The following NMT1 variants were observed in gnomAD, a reference collection of about 807,000 sequenced individuals.
NMT1 encodes glycylpeptide N-tetradecanoyltransferase 1.
Under a neutral mutation model 63.4 loss-of-function variants are expected in NMT1, and 12 were observed. That is an observed-to-expected ratio of 0.19 (90% CI 0.12 to 0.31). NMT1 has a LOEUF of 0.31. Ranked by LOEUF, NMT1 falls within the 10% of genes least tolerant of loss-of-function variation. NMT1 has a pLI of 1.00. For synonymous variants in NMT1, 228 were observed against 234.3 expected (o/e 0.97, Z 0.25); for missense variants, 432 against 634.6 (o/e 0.68, Z 3.43).
intron 3 of NMT1, among the ~76,000 whole-genome samples, chr17:45,087,468 GC>G (rs2054062385): frequency 6.6e-6 from 1 of 152,152 alleles, no homozygotes; most frequent in African/African-American, 2.4e-5. Context: ...ATAATGAATT[GC>G]TAAAGGGGTG....
chr17:45,102,872 A>C (rs2054176752), intron 8 of NMT1, 79 bp from the exon 9 acceptor site: 2 of 1,363,102 alleles, frequency 1.5e-6, no homozygotes, highest in Admixed American at 4.4e-5. Flanking sequence ...TTCTCTCTTG[A>C]GGGCCTGATC....
chr17:45,083,104 C>T (rs1310228534), intron 2 of NMT1, among the ~76,000 whole-genome samples: 1 of 151,864 alleles, frequency 6.6e-6, no homozygotes, highest in African/African-American at 2.4e-5. Flanking sequence ...ATCACGAGGT[C>T]AGGAATTTGA....
chr17:45,099,256 G>A, intron 7 of NMT1, 149 bp from the exon 8 acceptor site: 1 of 630,580 alleles, frequency 1.6e-6, no homozygotes, highest in Non-Finnish European at 3.0e-6. Flanking sequence ...TGGGGAGGGG[G>A]AGGCTGGAGA....
intron 1 of NMT1, among the ~76,000 whole-genome samples, chr17:45,080,349 A>C: frequency 6.7e-6 from 1 of 148,742 alleles, no homozygotes; most frequent in Non-Finnish European, 1.5e-5. Context: ...TAGTAGAGAC[A>C]GGCTTTCTCC....
In NMT1 at chr17:45,105,038, G is replaced by T; in HGVS notation, c.1470+42G>T. On this transcript the variant is annotated intron_variant, in intron 11 of 11. Transcript: ENST00000258960. The surrounding 1 kb of genome is among the most constrained non-coding windows in gnomAD (Gnocchi z 4.2). ...CAGAGTCCAGGCTGCCCGGCCCAGGGTGTCCATGTCTCCAGCAGAAACCGG... is the reference window on the plus strand; with the variant it reads ...CAGAGTCCAGGCTGCCCGGCCCAGGTTGTCCATGTCTCCAGCAGAAACCGG... The T allele has an allele frequency of 6.2e-7, 1 of 1,612,168 alleles. No homozygotes were observed. The highest frequency in any genetic ancestry group is 8.5e-7 in the Non-Finnish European group (1 of 1,179,012).
intron 8 of NMT1, among the ~76,000 whole-genome samples, chr17:45,101,189 AAAC>A (rs542279291): frequency 1.7e-4 from 26 of 151,766 alleles, no homozygotes; most frequent in South Asian, 8.3e-4. Context: ...ATCTCAAAAA[AAAC>A]AACAACAACA....
At position 45,071,656 on chromosome 17, in the gene NMT1, C is replaced by T. The variant is rs1240138520; in HGVS notation, c.132-9988C>T. 6 of 152,156 alleles carry T rather than the reference C, an allele frequency of 3.9e-5. No homozygotes were observed. The East Asian group carries it at 1.2e-3, about 29-fold the overall frequency. 9.4% of individuals were successfully genotyped at this position (152,156 alleles called of 1,614,324 possible). ...AAACTTTTTTTTCTTATGTTGTAAA[C>T]CTGTGGTCTGTGTTTAAGACATTGA... On this transcript the variant is annotated intron_variant, in intron 1 of 11. Transcript: ENST00000258960.
rs1191819839 is a variant in NMT1 at position 45,103,653 on chromosome 17, G to A, written c.1165-56G>A. On this transcript the variant is annotated intron_variant, in intron 9 of 11. Coordinates refer to ENST00000258960, the MANE Select transcript of NMT1 (RefSeq NM_021079.5). This position sits in a 1 kb window ranked among gnomAD's most constrained non-coding sequence, Gnocchi z 4.8. ...GGAGTGAGAGAAACATTTTGTTCCC[G>A]GGCCGCAGTGCCACTGTGCATGCTT... 5.9e-6 allele frequency: 9 copies of A among 1,532,874 alleles called. No individual in the cohort carries two copies. Among genetic ancestry groups the A allele is most frequent in the Non-Finnish European group, 7.1e-6 (8 of 1,131,784 alleles). 95.0% of individuals were successfully genotyped at this position (1,532,874 alleles called of 1,614,324 possible). A position where few individuals can be genotyped will look rare whatever the true frequency, so the allele number is the denominator to read the frequency against.
chr17:45,061,893 C>T (rs1282783829), intron 1 of NMT1: 1 of 156,990 alleles, frequency 6.4e-6, no homozygotes, highest in African/African-American at 2.4e-5. Flanking sequence ...TGAGGAAACT[C>T]ATCAGACTAT....
In NMT1 at chr17:45,105,101, G is replaced by GT; in HGVS notation, c.1470+107dup. 1 of 1,431,666 alleles carries GT rather than the reference G, an allele frequency of 7.0e-7. No individual in the cohort carries two copies. The highest frequency in any genetic ancestry group is 2.3e-5 in the East Asian group (1 of 43,308). 88.7% of individuals were successfully genotyped at this position (1,431,666 alleles called of 1,614,324 possible). ...GGAGACAGCCGCAGTCTGGGTCCTT[G>GT]TTACCTCGAGTTGAACCTTTGAAAA... On this transcript the variant is annotated intron_variant, in intron 11 of 11. Transcript: ENST00000258960. This position sits in a 1 kb window ranked among gnomAD's most constrained non-coding sequence, Gnocchi z 4.2.
intron 6 of NMT1, 73 bp from the exon 7 acceptor site, chr17:45,098,309 T>C: frequency 6.9e-7 from 1 of 1,445,040 alleles, no homozygotes. Context: ...TAGGTGTGGC[T>C]GCACGTGCTT....
At chr17:45,090,202 T>C (rs1417584152) in intron 3 of NMT1, among the ~76,000 whole-genome samples, 1 of 152,118 alleles carries the variant, frequency 6.6e-6, no homozygotes, top group Non-Finnish European at 1.5e-5. Context: ...GAGGATCGTT[T>C]GAGTCCTGGA....
chr17:45,066,991 A>AT (rs751373857), intron 1 of NMT1, among the ~76,000 whole-genome samples: 7 of 152,072 alleles, frequency 4.6e-5, no homozygotes, highest in Non-Finnish European at 1.0e-4. Flanking sequence ...AACTGCTGGG[A>AT]TTGTGGGCAT....
chr17:45,102,559 C>G (rs1376212834), intron 8 of NMT1, among the ~76,000 whole-genome samples: 1 of 152,232 alleles, frequency 6.6e-6, no homozygotes, highest in Non-Finnish European at 1.5e-5. Flanking sequence ...GCATCAGTCA[C>G]AGTTCAGTGA....
chr17:45,080,027 G>A (rs934888585), intron 1 of NMT1, among the ~76,000 whole-genome samples: 9 of 152,112 alleles, frequency 5.9e-5, no homozygotes, highest in African/African-American at 1.9e-4. Context: ...TCCATGGCAG[G>A]AGTAACTGGG....
At chr17:45,096,157 C>T in intron 4 of NMT1, 37 bp from the exon 5 acceptor site, 1 of 1,514,960 alleles carries the variant, frequency 6.6e-7, no homozygotes, top group South Asian at 1.1e-5. Flanking sequence ...TACTACCTGG[C>T]AGAATACCTC....
At chr17:45,076,682 G>A (rs1387218496) in intron 1 of NMT1, among the ~76,000 whole-genome samples, 4 of 151,768 alleles carry the variant, frequency 2.6e-5, no homozygotes, top group Non-Finnish European at 4.4e-5. Flanking sequence ...CCTAGGAGGC[G>A]GAGGCTGCAG....
chr17:45,081,568 C>G, intron 1 of NMT1, 76 bp from the exon 2 acceptor site: 2 of 1,300,152 alleles, frequency 1.5e-6, no homozygotes, highest in South Asian at 2.8e-5. Flanking sequence ...TCTGGCTCCA[C>G]AGAAAGCTCT....
Position 45,084,899 on chromosome 17 carries a change from A to G in NMT1, c.241-1609A>G, listed in dbSNP as rs189016653. Among the ~76,000 whole-genome samples the G allele has an allele frequency of 2.0e-3, 311 of 152,296 alleles. 2 individuals are homozygous for G. Among genetic ancestry groups the G allele is most frequent in the Non-Finnish European group, 3.7e-3 (251 of 68,034 alleles). ...AAAAGTGCATACCTTTTGACCCAGC[A>G]GGCCTCTTTCTTAACTTCATCCTAC... On this transcript the variant is annotated intron_variant, in intron 2 of 11. Transcript: ENST00000258960.
Sources: allele counts gnomAD v4.1 joint callset (sites outside exome capture counted in the v4.1 genomes callset), GRCh38; gene constraint gnomAD v4.1.1; non-coding constraint Gnocchi (gnomAD v3.1); transcripts MANE v1.5; gene names NCBI Gene and HGNC (gene_info 2026-07-23, HGNC 2026-07-21).